HPS1: variants seen among roughly 807,000 people sequenced by gnomAD.
HPS1 encodes the protein BLOC-3 complex member HPS1.
In HPS1, 59 loss-of-function variants were observed where a neutral mutation model predicts 90.6. The ratio of observed to expected loss-of-function variants is 0.65; its 90% CI spans 0.53 to 0.81. The LOEUF is 0.81. Ranked by LOEUF, HPS1 falls within the 30% of genes least tolerant of loss-of-function variation. The pLI, the probability that HPS1 is intolerant of heterozygous loss-of-function variation, is 0.00. For missense variants in HPS1, 849 were observed against 896.7 expected (o/e 0.95, Z 0.68); for synonymous variants, 388 against 384.4 (o/e 1.01, Z -0.11).
intron 14 of HPS1, 93 bp from the exon 15 acceptor site, chr10:98,423,980 C>T: frequency 6.5e-7 from 1 of 1,529,032 alleles, no homozygotes; most frequent in East Asian, 2.3e-5. Flanking sequence ...CCAGGACAGA[C>T]AGACCTGGGG....
chr10:98,427,168 G>A lies in HPS1; in HGVS notation c.987+47C>T, dbSNP rs199514510. The A allele has an allele frequency of 1.1e-4, 170 of 1,481,330 alleles. 1 individual carries two copies. Among genetic ancestry groups the A allele is most frequent in the South Asian group, 3.6e-4 (30 of 82,516 alleles). 91.8% of individuals were successfully genotyped at this position (1,481,330 alleles called of 1,614,324 possible). The stretch of plus-strand genomic sequence containing the variant: ...CCTCAGAGCCCCCAATACTCACTGC[G>A]GCATCTCAGATCAGCTGGCGCCCAG... On this transcript the variant is annotated intron_variant, in intron 11 of 19. Coordinates refer to ENST00000361490, the MANE Select transcript of HPS1 (RefSeq NM_000195.5).
At position 98,435,029 on chromosome 10, in the gene HPS1, G is replaced by A. The variant is rs1847105946; in HGVS notation, c.398+243C>T. ...AGCTCAAATATCCAGTTTGGATGTG[G>A]CCACCAACCAGCTAGATGACCCCAG... is the stretch of plus-strand genomic sequence containing the variant. On this transcript the variant is annotated intron_variant, in intron 5 of 19. Coordinates refer to ENST00000361490, the MANE Select transcript of HPS1 (RefSeq NM_000195.5). This position sits in a 1 kb window ranked among gnomAD's most constrained non-coding sequence, Gnocchi z 4.3. 3 of 541,186 alleles carry A rather than the reference G, an allele frequency of 5.5e-6. No homozygotes were observed. The highest frequency in any genetic ancestry group is 6.7e-5 in the East Asian group (2 of 30,048). The allele number at this position is 541,186 out of a possible 1,614,324, so 33.5% of individuals were successfully genotyped here.
chr10:98,414,940 CCCA>C, downstream of HPS1: 1 of 1,561,144 alleles, frequency 6.4e-7, no homozygotes, highest in Non-Finnish European at 8.7e-7. Context: ...CCTCCCCCTC[CCCA>C]CCAAGCTCTG....
chr10:98,434,264 G>C (rs1279940595), intron 5 of HPS1, among the ~76,000 whole-genome samples, 173 bp from the exon 6 acceptor site: 1 of 152,148 alleles, frequency 6.6e-6, no homozygotes, highest in Non-Finnish European at 1.5e-5. Context: ...CTGTGGAGTG[G>C]GGTGGGATAG....
Position 98,435,570 on chromosome 10 carries a change from G to A in HPS1, c.255+65C>T. ...AAGGAGTCTAAAGTTCCAAATAAGAGAGGCCTGTGGACTCCCCATCAAGCT... is the reference window on the plus strand; with the variant it reads ...AAGGAGTCTAAAGTTCCAAATAAGAAAGGCCTGTGGACTCCCCATCAAGCT... On this transcript the variant is annotated intron_variant, in intron 4 of 19. Transcript: ENST00000361490. This position sits in a 1 kb window ranked among gnomAD's most constrained non-coding sequence, Gnocchi z 4.3. The A allele has an allele frequency of 6.2e-7, 1 of 1,610,380 alleles. No individual in the cohort carries two copies. The highest frequency in any genetic ancestry group is 8.5e-7 in the Non-Finnish European group (1 of 1,176,868).
chr10:98,414,897 T>A, downstream of HPS1: 1 of 1,460,630 alleles, frequency 6.8e-7, no homozygotes, highest in Middle Eastern at 1.8e-4. Flanking sequence ...GGCTGGGTTA[T>A]GCCAGAGGAG....
rs1222121378 is a variant in HPS1, at chr10:98,435,334, G to C, written c.336C>G (p.Leu112=). Residue 112 remains leucine (L), a synonymous_variant, in exon 5 of 20, where the codon CTC becomes CTG. Coordinates refer to ENST00000361490, the MANE Select transcript of HPS1 (RefSeq NM_000195.5). This position sits in a 1 kb window ranked among gnomAD's most constrained non-coding sequence, Gnocchi z 4.3. The stretch of plus-strand genomic sequence containing the variant: ...CAAAGTGCACTTCAAACAGGTACTT[G>C]AGCACATACAGCTTCCGCCGCAGGT... ...EGDLRRKLYV[L]KYLFEVHFGL... The C allele has an allele frequency of 2.5e-6, 4 of 1,613,956 alleles. No individual in the cohort carries two copies. The South Asian group carries it at 4.4e-5, about 18-fold the overall frequency.
At position 98,429,622 on chromosome 10, in the gene HPS1, G is replaced by C; in HGVS notation, c.888C>G (p.Leu296=). The change falls in exon 10 of 20, where the codon CTC becomes CTG. Residue 296 remains leucine (L), a synonymous_variant. Transcript: ENST00000361490. ...GAGCTGGTGTGAAGTACTCCTCAGG[G>C]AGGGAGAAGCTGTCTGTCTCCTGGA... ...SAETETDSFS[L]PEEYFTPAPS... 1 of 1,614,220 alleles carries C rather than the reference G, an allele frequency of 6.2e-7. No individual in the cohort carries two copies. Among genetic ancestry groups the C allele is most frequent in the Non-Finnish European group, 8.5e-7 (1 of 1,180,034 alleles).
rs2136252218 is a variant in HPS1, at chr10:98,435,376, G to A, written c.294C>T (p.His98=). Residue 98 remains histidine, a synonymous_variant, in exon 5 of 20, where the codon CAC becomes CAT. Transcript: ENST00000361490. The surrounding 1 kb of genome is among the most constrained non-coding windows in gnomAD (Gnocchi z 4.3). ...GCCGCAGGTCCCCCTCGCTCTCGGT[G>A]TGGTCACCATTGATGGCAATGAACA... is the stretch of plus-strand genomic sequence containing the variant. ...ECLFIAINGD[H]TESEGDLRRK... 2 of 1,613,986 alleles carry A rather than the reference G, an allele frequency of 1.2e-6. No individual in the cohort carries two copies. Among genetic ancestry groups the A allele is most frequent in the Non-Finnish European group, 1.7e-6 (2 of 1,180,010 alleles).
At chr10:98,415,040 C>A, downstream of HPS1, 2 of 1,614,000 alleles carry the variant, frequency 1.2e-6, no homozygotes, top group Non-Finnish European at 1.7e-6. Flanking sequence ...CATACTCAGG[C>A]TTCAGACCTC....
chr10:98,436,702 G>T (rs952121203), intron 3 of HPS1, among the ~76,000 whole-genome samples: 5 of 152,194 alleles, frequency 3.3e-5, no homozygotes, highest in African/African-American at 1.2e-4. Context: ...CTCCGTAGTG[G>T]AATAAAAAGA....
rs1168092481 is a variant in HPS1, at chr10:98,417,324, G to A, written c.*240C>T. On this transcript the variant is annotated 3_prime_UTR_variant, in exon 20 of 20. Transcript: ENST00000361490. This position sits in a 1 kb window ranked among gnomAD's most constrained non-coding sequence, Gnocchi z 4.2. ...TGGAAGAGGAGCTGTTGCCACCGTT[G>A]TTTTACAAACAGGACCCCTGGGCTT... The A allele has an allele frequency of 6.4e-6, 3 of 471,224 alleles. No individual in the cohort carries two copies. Among genetic ancestry groups the A allele is most frequent in the Admixed American group, 7.5e-5 (2 of 26,734 alleles). The allele number at this position is 471,224 out of a possible 1,614,324, so 29.2% of individuals were successfully genotyped here.
downstream of HPS1, chr10:98,415,260 C>T: frequency 7.8e-7 from 1 of 1,285,138 alleles, no homozygotes; most frequent in Non-Finnish European, 1.0e-6. Flanking sequence ...CCCTCCAGGC[C>T]CCCTCCACCA....
chr10:98,423,977 A>G, intron 14 of HPS1, 90 bp from the exon 15 acceptor site: 1 of 1,520,364 alleles, frequency 6.6e-7, no homozygotes, highest in Non-Finnish European at 9.0e-7. Flanking sequence ...CACCCAGGAC[A>G]GACAGACCTG....
At chr10:98,427,299 T>TACCATGAGATGTAAGC (rs773447863) in intron 10 of HPS1, 35 bp from the exon 11 acceptor site, 3 of 1,527,054 alleles carry the variant, frequency 2.0e-6, no homozygotes, top group Non-Finnish European at 2.7e-6. Context: ...ACGATGTAAG[T>TACCATGAGATGTAAGC]ACCATGAGAT....
intron 13 of HPS1, 63 bp from the exon 14 acceptor site, chr10:98,424,437 A>G (rs1356960511): frequency 2.8e-6 from 4 of 1,406,940 alleles, no homozygotes; most frequent in East Asian, 4.6e-5. Flanking sequence ...TCCAGGCCAA[A>G]GTCCTTCTCA....
At chr10:98,415,331 TG>T, downstream of HPS1, 1 of 683,566 alleles carries the variant, frequency 1.5e-6, no homozygotes, top group Non-Finnish European at 2.3e-6. Flanking sequence ...CCGTCGGGAG[TG>T]TTGCCTATTA....
At chr10:98,423,045 G>A (rs906800091) in intron 16 of HPS1, among the ~76,000 whole-genome samples, 5 of 152,220 alleles carry the variant, frequency 3.3e-5, no homozygotes, top group Admixed American at 6.5e-5. Context: ...CAGGAGACTG[G>A]GGGCTGGACA....
At chr10:98,432,705 G>A (rs1846653964) in intron 6 of HPS1, among the ~76,000 whole-genome samples, 1 of 152,054 alleles carries the variant, frequency 6.6e-6, no homozygotes, top group African/African-American at 2.4e-5. Context: ...ATATTTCATA[G>A]TTATTTTATA....
Sources: gnomAD v4.1 joint callset for allele counts (sites outside exome capture counted in the v4.1 genomes callset) on GRCh38, gnomAD v4.1.1 for gene constraint, Gnocchi (gnomAD v3.1) non-coding constraint, MANE v1.5 for transcripts, NCBI Gene and HGNC (gene_info 2026-07-23, HGNC 2026-07-21) for gene names.